Variants in SCHIP1 observed in about 807,000 individuals in gnomAD.
The protein encoded by SCHIP1 is schwannomin interacting protein 1.
A neutral mutation model predicts 29.7 loss-of-function variants in SCHIP1; 8 were observed. That is an observed-to-expected ratio of 0.27 (90% CI 0.16 to 0.49). The LOEUF (loss-of-function observed/expected upper bound fraction) is 0.49, where lower values mean the gene tolerates loss of function less well. Among genes scored for constraint, SCHIP1 ranks in the 20% least tolerant of loss-of-function variants. SCHIP1 has a pLI of 0.99. For missense variants in SCHIP1, 193 were observed against 294.6 expected, an observed-to-expected ratio of 0.66 and a Z score of 2.52; for synonymous variants, 76 against 94.9, an observed-to-expected ratio of 0.80 and a Z score of 1.16.
chr3:159,676,318 A>G, the SCHIP1 span, among the ~76,000 whole-genome samples: 1 of 152,226 alleles, frequency 6.6e-6, no homozygotes, highest in African/African-American at 2.4e-5. Context: ...GCTGAAGATA[A>G]ACAGTGGTAT....
the SCHIP1 span, among the ~76,000 whole-genome samples, chr3:159,408,325 G>A: frequency 6.7e-5 from 10 of 149,698 alleles, no homozygotes; most frequent in Admixed American, 6.7e-4. Context: ...AATAATCAGA[G>A]CAGAAATAAA....
the SCHIP1 span, among the ~76,000 whole-genome samples, chr3:159,497,705 AGGAG>A: frequency 6.6e-6 from 1 of 152,052 alleles, no homozygotes; most frequent in East Asian, 1.9e-4. Flanking sequence ...ATGGAAGAGA[AGGAG>A]GGAGTGAGGG....
intron 2 of SCHIP1, among the ~76,000 whole-genome samples, chr3:159,878,044 A>C (rs977919589): frequency 6.6e-6 from 1 of 152,120 alleles, no homozygotes; most frequent in African/African-American, 2.4e-5. Context: ...CCTGCCAAAA[A>C]CAAAAGTCCC....
At chr3:159,654,099 A>G in the SCHIP1 span, among the ~76,000 whole-genome samples, 1 of 152,112 alleles carries the variant, frequency 6.6e-6, no homozygotes, top group Non-Finnish European at 1.5e-5. Flanking sequence ...GCTTACTTAC[A>G]AATAATTAGG....
the SCHIP1 span, among the ~76,000 whole-genome samples, chr3:159,439,298 G>T: frequency 2.6e-5 from 4 of 152,162 alleles, no homozygotes; most frequent in Admixed American, 6.6e-5. Context: ...GTTCAGCATA[G>T]TTGGGGAGGC....
At chr3:159,335,759 T>G in the SCHIP1 span, among the ~76,000 whole-genome samples, 1 of 152,198 alleles carries the variant, frequency 6.6e-6, no homozygotes, top group African/African-American at 2.4e-5. Flanking sequence ...GAAATTTGGG[T>G]TGGTTCCAAG....
chr3:159,649,007 G>A, the SCHIP1 span, among the ~76,000 whole-genome samples: 5 of 152,156 alleles, frequency 3.3e-5, no homozygotes, highest in South Asian at 1.0e-3. Context: ...CTTGGAGATG[G>A]AAGATACACA....
chr3:159,531,202 T>C, the SCHIP1 span, among the ~76,000 whole-genome samples: 3 of 152,216 alleles, frequency 2.0e-5, no homozygotes, highest in Admixed American at 6.5e-5. Flanking sequence ...TCACAGATTA[T>C]CATTTAAAAT....
the SCHIP1 span, among the ~76,000 whole-genome samples, chr3:159,473,399 A>G: frequency 2.0e-5 from 3 of 152,188 alleles, no homozygotes; most frequent in Admixed American, 2.0e-4. Context: ...AATTCCTGTA[A>G]TAAAAGTTAC....
At chr3:159,840,284 A>G (rs1744108069) in intron 1 of SCHIP1, 4 of 1,349,414 alleles carry the variant, frequency 3.0e-6, no homozygotes, top group South Asian at 2.5e-5. Context: ...CCAAAGCAGC[A>G]GGTTGCCTCT....
the SCHIP1 span, among the ~76,000 whole-genome samples, chr3:159,483,079 G>A: frequency 6.6e-6 from 1 of 152,128 alleles, no homozygotes; most frequent in African/African-American, 2.4e-5. Context: ...TGCAATTTGG[G>A]GATAGCTGAC....
rs1714097738 is a variant in SCHIP1, at chr3:159,861,876, C to T, written c.31-4287C>T. On this transcript the variant is annotated intron_variant, in intron 1 of 6. Transcript: ENST00000445224. This position sits in a 1 kb window ranked among gnomAD's most constrained non-coding sequence, Gnocchi z 4.1. ...TCCTGTACCCTTGTCTGTTTCTCAC[C>T]CTGGAGCGTATTGGGCTTGGCTGGA... 6.6e-6 allele frequency among the ~76,000 whole-genome samples: 1 copy of T among 152,008 alleles called. No homozygotes were observed. The highest frequency in any genetic ancestry group is 2.1e-4 in the South Asian group (1 of 4,810).
At chr3:159,473,686 A>G in the SCHIP1 span, among the ~76,000 whole-genome samples, 1 of 150,580 alleles carries the variant, frequency 6.6e-6, no homozygotes, top group East Asian at 1.9e-4. Context: ...AAAAAAAAAA[A>G]AAAAAAAAGA....
chr3:159,281,333 C>T, the SCHIP1 span, among the ~76,000 whole-genome samples: 8 of 152,000 alleles, frequency 5.3e-5, no homozygotes, highest in South Asian at 8.3e-4. Context: ...ATAATTACAC[C>T]GAAATATTCT....
the SCHIP1 span, among the ~76,000 whole-genome samples, chr3:159,783,561 T>C: frequency 6.6e-6 from 1 of 152,204 alleles, no homozygotes; most frequent in East Asian, 1.9e-4. Context: ...TGTAGTTGAT[T>C]TGAAATATTT....
At chr3:159,410,092 A>G in the SCHIP1 span, among the ~76,000 whole-genome samples, 1 of 152,290 alleles carries the variant, frequency 6.6e-6, no homozygotes, top group East Asian at 1.9e-4. Context: ...ATAAAGCTAT[A>G]TCCCTATCTC....
At chr3:159,518,658 T>C in the SCHIP1 span, among the ~76,000 whole-genome samples, 1 of 152,082 alleles carries the variant, frequency 6.6e-6, no homozygotes, top group Non-Finnish European at 1.5e-5. Flanking sequence ...ACTGAATGGC[T>C]GAACAACCTA....
chr3:159,505,225 T>C, the SCHIP1 span, among the ~76,000 whole-genome samples: 1 of 152,174 alleles, frequency 6.6e-6, no homozygotes, highest in East Asian at 1.9e-4. Flanking sequence ...CTCAAAATTA[T>C]TGAATAAGTC....
At chr3:159,857,621 C>G (rs1479076971) in intron 1 of SCHIP1, among the ~76,000 whole-genome samples, 1 of 152,038 alleles carries the variant, frequency 6.6e-6, no homozygotes, top group South Asian at 2.1e-4. Flanking sequence ...CTCTGACAAC[C>G]GCTAATTTAC....
Sources: allele counts gnomAD v4.1 joint callset (sites outside exome capture counted in the v4.1 genomes callset), GRCh38; gene constraint gnomAD v4.1.1; non-coding constraint Gnocchi (gnomAD v3.1); transcripts MANE v1.5; gene names NCBI Gene and HGNC (gene_info 2026-07-23, HGNC 2026-07-21).